The following LHFPL6 variants were observed in gnomAD, a reference collection of about 807,000 sequenced individuals.
The protein encoded by LHFPL6 is LHFPL tetraspan subfamily member 6 protein.
Under a neutral mutation model 20.6 loss-of-function variants are expected in LHFPL6, and 9 were observed. The ratio of observed to expected loss-of-function variants is 0.44; its 90% CI spans 0.26 to 0.76. LHFPL6 has a LOEUF of 0.76. LHFPL6 is among the 30% of genes least tolerant of loss of function. The probability of loss-of-function intolerance (pLI) is 0.20; values close to 1 mark genes in which losing one functional copy is unlikely to be tolerated. For missense variants in LHFPL6, 218 were observed against 253.5 expected, an observed-to-expected ratio of 0.86 and a Z score of 0.95; for synonymous variants, 105 against 98.7, an observed-to-expected ratio of 1.06 and a Z score of -0.38.
intron 2 of LHFPL6, among the ~76,000 whole-genome samples, chr13:39,426,165 C>A (rs1032718184): frequency 2.0e-5 from 3 of 152,098 alleles, no homozygotes; most frequent in Non-Finnish European, 2.9e-5. Context: ...ACTCCCTATT[C>A]TCCATTCCCT....
At chr13:39,412,700 G>A (rs1310943284) in intron 2 of LHFPL6, among the ~76,000 whole-genome samples, 1 of 152,140 alleles carries the variant, frequency 6.6e-6, no homozygotes, top group Non-Finnish European at 1.5e-5. Context: ...CAAGGCGGGT[G>A]GATCACGAGG....
intron 2 of LHFPL6, among the ~76,000 whole-genome samples, chr13:39,477,954 G>A (rs1003633124): frequency 2.0e-5 from 3 of 152,128 alleles, no homozygotes; most frequent in Non-Finnish European, 4.4e-5. Context: ...AAAAGAATGT[G>A]ATACAATTAG....
intron 2 of LHFPL6, among the ~76,000 whole-genome samples, chr13:39,380,857 G>T (rs1870419914): frequency 1.3e-5 from 2 of 152,106 alleles, no homozygotes; most frequent in African/African-American, 4.8e-5. Context: ...GATCTAGGTT[G>T]CATGCTCCTT....
intron 2 of LHFPL6, among the ~76,000 whole-genome samples, chr13:39,598,217 A>C (rs1039847308): frequency 6.6e-5 from 10 of 152,238 alleles, no homozygotes; most frequent in African/African-American, 2.4e-4. Context: ...TACTTACTGC[A>C]TAAGTTTTTG....
intron 2 of LHFPL6, among the ~76,000 whole-genome samples, chr13:39,510,509 A>T (rs1869655004): frequency 6.6e-6 from 1 of 152,218 alleles, no homozygotes; most frequent in Non-Finnish European, 1.5e-5. Context: ...TACTTTTAGC[A>T]TTGTGGGGTG....
chr13:39,398,507 G>C (rs369594839), intron 2 of LHFPL6, among the ~76,000 whole-genome samples: 2 of 152,208 alleles, frequency 1.3e-5, no homozygotes, highest in South Asian at 4.1e-4. Flanking sequence ...AGCTGCTTCA[G>C]TCTTCACTAG....
At chr13:39,600,356 G>C (rs56290993) in intron 2 of LHFPL6, among the ~76,000 whole-genome samples, 8,517 of 152,284 alleles carry the variant, frequency 0.056, 802 homozygotes, top group African/African-American at 0.19. Flanking sequence ...TAGAGTTTAA[G>C]ATTGGGCAAG....
chr13:39,493,690 C>A (rs1869005388), intron 2 of LHFPL6, among the ~76,000 whole-genome samples: 1 of 152,160 alleles, frequency 6.6e-6, no homozygotes, highest in Non-Finnish European at 1.5e-5. Flanking sequence ...CTACCCCAGC[C>A]TTCCCACATA....
In LHFPL6 at chr13:39,390,137, A is replaced by G. The variant is rs373307725; in HGVS notation, c.386-11611T>C. Among the ~76,000 whole-genome samples, 224 of 131,332 alleles carry G rather than the reference A, an allele frequency of 1.7e-3. 5 individuals carry two copies. In the South Asian group the frequency reaches 0.04, roughly 24 times the overall value. 86.2% of individuals were successfully genotyped at this position (131,332 alleles called of 152,430 possible). A position where few individuals can be genotyped will look rare whatever the true frequency, so the allele number is the denominator to read the frequency against. On this transcript the variant is annotated intron_variant, in intron 2 of 3. Coordinates refer to ENST00000379589, the MANE Select transcript of LHFPL6 (RefSeq NM_005780.3). ...AATCAGGAGCCCCACACCAACAGTA[A>G]AGTAGGATGTCAGACATATTTTTAA...
chr13:39,499,536 C>G (rs1397554095), intron 2 of LHFPL6, among the ~76,000 whole-genome samples: 1 of 151,008 alleles, frequency 6.6e-6, no homozygotes, highest in South Asian at 2.1e-4. Flanking sequence ...TCTCAGTCCA[C>G]GAGGTCCAGG....
intron 2 of LHFPL6, among the ~76,000 whole-genome samples, chr13:39,510,224 C>T (rs1227493034): frequency 2.0e-5 from 3 of 149,858 alleles, no homozygotes; most frequent in African/African-American, 7.5e-5. Context: ...ATTGCAGCAC[C>T]ACCCACTGAA....
chr13:39,457,016 T>C (rs1272766173), intron 2 of LHFPL6, among the ~76,000 whole-genome samples: 1 of 152,144 alleles, frequency 6.6e-6, no homozygotes, highest in Non-Finnish European at 1.5e-5. Context: ...GCCAGGCTGG[T>C]CTTGAACTCT....
At chr13:39,442,921 CT>C (rs769041464) in intron 2 of LHFPL6, among the ~76,000 whole-genome samples, 2 of 152,094 alleles carry the variant, frequency 1.3e-5, no homozygotes, top group Non-Finnish European at 2.9e-5. Flanking sequence ...AGCTTCTTGT[CT>C]CTTTCTCTCT....
intron 1 of LHFPL6, among the ~76,000 whole-genome samples, chr13:39,601,600 T>A (rs1872950774): frequency 6.6e-6 from 1 of 152,196 alleles, no homozygotes; most frequent in Admixed American, 6.5e-5. Context: ...TCCGTAAATA[T>A]TTCCAAATTA....
At chr13:39,521,961 T>C (rs1203688295) in intron 2 of LHFPL6, among the ~76,000 whole-genome samples, 2 of 152,166 alleles carry the variant, frequency 1.3e-5, no homozygotes, top group Non-Finnish European at 2.9e-5. Context: ...TATTCTCTTT[T>C]ACATCCTGCC....
At chr13:39,518,493 G>C (rs1295883506) in intron 2 of LHFPL6, among the ~76,000 whole-genome samples, 2 of 152,128 alleles carry the variant, frequency 1.3e-5, no homozygotes, top group Non-Finnish European at 2.9e-5. Flanking sequence ...TAGCCCAGTA[G>C]AAAATCCTTC....
intron 2 of LHFPL6, among the ~76,000 whole-genome samples, chr13:39,568,596 T>C (rs1043036352): frequency 4.6e-5 from 7 of 152,260 alleles, no homozygotes; most frequent in African/African-American, 1.4e-4. Context: ...AAGCAGAATA[T>C]TCATTCTAGA....
At chr13:39,419,868 A>G (rs1168464790) in intron 2 of LHFPL6, among the ~76,000 whole-genome samples, 1 of 152,198 alleles carries the variant, frequency 6.6e-6, no homozygotes, top group Non-Finnish European at 1.5e-5. Flanking sequence ...TTTTTTAGAA[A>G]TATATTTAAA....
intron 2 of LHFPL6, among the ~76,000 whole-genome samples, chr13:39,546,807 C>A (rs139092308): frequency 9.8e-4 from 149 of 152,206 alleles, no homozygotes; most frequent in Middle Eastern, 3.4e-3. Context: ...TTTACTGCCA[C>A]AAAGGACTCC....
Sources: allele counts gnomAD v4.1 joint callset (sites outside exome capture counted in the v4.1 genomes callset), GRCh38; gene constraint gnomAD v4.1.1; transcripts MANE v1.5; gene names NCBI Gene and HGNC (gene_info 2026-07-23, HGNC 2026-07-21).